GALNT2: variants seen among roughly 807,000 people sequenced by gnomAD.
The protein encoded by GALNT2 is UDP-GalNAc:polypeptide N-acetylgalactosaminyltransferase 2.
Under a neutral mutation model 81.4 loss-of-function variants are expected in GALNT2, and 31 were observed. The observed-to-expected ratio is 0.38, with a 90% CI of 0.29 to 0.51. GALNT2 has a LOEUF of 0.51. Among genes scored for constraint, GALNT2 ranks in the 20% least tolerant of loss-of-function variants. The pLI is 0.87. For missense variants in GALNT2, 629 were observed against 765.7 expected, an observed-to-expected ratio of 0.82 and a Z score of 2.11; for synonymous variants, 303 against 287.4, an observed-to-expected ratio of 1.05 and a Z score of -0.55.
chr1:230,146,008 T>C (rs1026370112), intron 1 of GALNT2, among the ~76,000 whole-genome samples: 15 of 152,242 alleles, frequency 9.9e-5, no homozygotes, highest in African/African-American at 3.6e-4. Flanking sequence ...CTGCTTCTGG[T>C]GTTCCTTGAG....
intron 1 of GALNT2, among the ~76,000 whole-genome samples, chr1:230,128,158 C>G (rs1279854576): frequency 6.6e-6 from 1 of 152,168 alleles, no homozygotes; most frequent in Non-Finnish European, 1.5e-5. Context: ...CCTCTTAGTA[C>G]TCTTCTGGCC....
chr1:230,062,055 T>C (rs1426635736), intron 1 of GALNT2, among the ~76,000 whole-genome samples: 6 of 152,248 alleles, frequency 3.9e-5, no homozygotes, highest in Non-Finnish European at 8.8e-5. Flanking sequence ...TTTATTTTTG[T>C]AGTCTTGCCA....
chr1:230,094,779 T>A (rs1660195526), intron 1 of GALNT2, among the ~76,000 whole-genome samples: 1 of 152,172 alleles, frequency 6.6e-6, no homozygotes, highest in Non-Finnish European at 1.5e-5. Flanking sequence ...AGAGAGGTTG[T>A]GGGGGCACTT....
At chr1:230,102,151 T>C (rs1296665181) in intron 1 of GALNT2, among the ~76,000 whole-genome samples, 1 of 152,204 alleles carries the variant, frequency 6.6e-6, no homozygotes, top group Non-Finnish European at 1.5e-5. Context: ...GCCTGTTCTC[T>C]TGGAAGAAGA....
intron 1 of GALNT2, among the ~76,000 whole-genome samples, chr1:230,109,030 G>A (rs1010256763): frequency 2.0e-5 from 3 of 152,286 alleles, no homozygotes; most frequent in East Asian, 1.9e-4. Context: ...ACAAAGTTTC[G>A]CGAACAGTGC....
intron 1 of GALNT2, among the ~76,000 whole-genome samples, chr1:230,084,564 G>A (rs16850873): frequency 0.027 from 4,158 of 152,152 alleles, 123 homozygotes; most frequent in African/African-American, 0.069. Context: ...GCACCGAGAC[G>A]TTGCTAGGTG....
chr1:230,147,230 G>T (rs1329209957), intron 1 of GALNT2, among the ~76,000 whole-genome samples: 1 of 152,196 alleles, frequency 6.6e-6, no homozygotes, highest in South Asian at 2.1e-4. Context: ...TTACCTTTGT[G>T]TTCCTTCCAA....
chr1:230,270,638 T>G (rs570703989), intron 14 of GALNT2, among the ~76,000 whole-genome samples: 2 of 152,352 alleles, frequency 1.3e-5, no homozygotes, highest in South Asian at 4.1e-4. Flanking sequence ...TAGAAAGTGA[T>G]GCTTTTTTGC....
In GALNT2 at chr1:230,067,250, C is replaced by T. The variant is rs1332588398; in HGVS notation, c.-31C>T. On this transcript the variant is annotated 5_prime_UTR_variant, in exon 1 of 16. Transcript: ENST00000366672. ...CGGCCCAGGCAGCACTCGCGAGCAG[C>T]GGCGGCCCCGCCGGCGGCCGAGTTG... 3.3e-5 allele frequency: 42 copies of T among 1,261,060 alleles called. No homozygotes were observed. The highest frequency in any genetic ancestry group is 4.1e-5 in the Non-Finnish European group (41 of 995,228). 78.1% of individuals were successfully genotyped at this position (1,261,060 alleles called of 1,614,324 possible). A position where few individuals can be genotyped will look rare whatever the true frequency, so the allele number is the denominator to read the frequency against.
rs372846843 is a variant in GALNT2, at chr1:230,255,232, G to T, written c.1024G>T (p.Val342Leu). The T allele has an allele frequency of 6.2e-7, 1 of 1,614,228 alleles. No homozygotes were observed. Among genetic ancestry groups the T allele is most frequent in the Admixed American group, 1.7e-5 (1 of 60,032 alleles). ...GGENLEISFR[V>L]WQCGGSLEII... ...CATCGTCTCAGAGATCTCGTTCCGC[G>T]TGTGGCAGTGTGGTGGCAGCCTGGA... Residue 342 changes from valine (V) to leucine (L), a missense_variant, in exon 11 of 16, where the codon GTG (valine) becomes TTG (leucine). Coordinates refer to ENST00000366672, the MANE Select transcript of GALNT2 (RefSeq NM_004481.5).
chr1:230,132,793 A>G (rs1351909858), intron 1 of GALNT2, among the ~76,000 whole-genome samples: 4 of 152,206 alleles, frequency 2.6e-5, no homozygotes, highest in Non-Finnish European at 5.9e-5. Flanking sequence ...TTCCTGTAAG[A>G]ATATCCGAGT....
chr1:230,143,518 CT>C (rs999775970), intron 1 of GALNT2, among the ~76,000 whole-genome samples: 3 of 152,186 alleles, frequency 2.0e-5, no homozygotes, highest in Admixed American at 1.3e-4. Context: ...TGCTGAAGTT[CT>C]TGTGGATGCT....
chr1:230,128,026 T>C (rs564075386), intron 1 of GALNT2, among the ~76,000 whole-genome samples: 2 of 152,252 alleles, frequency 1.3e-5, no homozygotes, highest in East Asian at 3.9e-4. Flanking sequence ...GGATGATTTG[T>C]CCCAAATGCA....
chr1:230,185,295 T>C (rs935395679), intron 2 of GALNT2, among the ~76,000 whole-genome samples: 16 of 111,050 alleles, frequency 1.4e-4, no homozygotes, highest in East Asian at 1.1e-3. Flanking sequence ...TGTGTGTGTG[T>C]GTGTGTGCGC....
At chr1:230,168,615 C>T (rs1338048460) in intron 1 of GALNT2, among the ~76,000 whole-genome samples, 1 of 152,162 alleles carries the variant, frequency 6.6e-6, no homozygotes, top group East Asian at 1.9e-4. Context: ...CGGATGTTGG[C>T]CCAGGAGTTT....
chr1:230,192,333 T>C (rs566326474), intron 2 of GALNT2, among the ~76,000 whole-genome samples: 1 of 152,348 alleles, frequency 6.6e-6, no homozygotes, highest in East Asian at 1.9e-4. Context: ...GAAACCCTCA[T>C]ATTTGACATG....
chr1:230,138,439 C>T (rs6675914), intron 1 of GALNT2, among the ~76,000 whole-genome samples: 27,893 of 150,916 alleles, frequency 0.18, 2,668 homozygotes, highest in African/African-American at 0.23. Flanking sequence ...GCAGGAGAAT[C>T]GCTTGAACCC....
chr1:230,130,567 G>A (rs75010204), intron 1 of GALNT2, among the ~76,000 whole-genome samples: 20 of 152,186 alleles, frequency 1.3e-4, no homozygotes, highest in African/African-American at 4.3e-4. Flanking sequence ...CGTGAGTCAC[G>A]TGGTATCAGG....
chr1:230,125,850 A>G (rs1357424129), intron 1 of GALNT2, among the ~76,000 whole-genome samples: 3 of 152,224 alleles, frequency 2.0e-5, no homozygotes, highest in Non-Finnish European at 4.4e-5. Flanking sequence ...CAGGATTGGA[A>G]TGTGTGCCAC....
Sources: allele counts gnomAD v4.1 joint callset (sites outside exome capture counted in the v4.1 genomes callset), GRCh38; gene constraint gnomAD v4.1.1; transcripts MANE v1.5; gene names NCBI Gene and HGNC (gene_info 2026-07-23, HGNC 2026-07-21).